The following SPNS2 variants were observed in gnomAD, a reference collection of about 807,000 sequenced individuals.
SPNS2 encodes sphingosine-1-phosphate transporter SPNS2.
Under a neutral mutation model 57.6 loss-of-function variants are expected in SPNS2, and 37 were observed. That is an observed-to-expected ratio of 0.64 (90% CI 0.49 to 0.85). The LOEUF is 0.85. Ranked by LOEUF, SPNS2 falls within the 40% of genes least tolerant of loss-of-function variation. The pLI, the probability that SPNS2 is intolerant of heterozygous loss-of-function variation, is 0.00. For missense variants in SPNS2, 831 were observed against 779.1 expected, an observed-to-expected ratio of 1.07 and a Z score of -0.79; for synonymous variants, 440 against 346.9, an observed-to-expected ratio of 1.27 and a Z score of -2.98.
At chr17:4,528,580 G>A (rs916023000) in intron 3 of SPNS2, among the ~76,000 whole-genome samples, 1 of 151,978 alleles carries the variant, frequency 6.6e-6, no homozygotes, top group Admixed American at 6.6e-5. Context: ...AGGTTCAAGC[G>A]ATTCTCCTGC....
In SPNS2 at chr17:4,499,455, C is replaced by A; in HGVS notation, c.370+38C>A. ...CCCACCCAGCCCGAGGACCAAGACC[C>A]CACCCCATCCCACCACCCGCCTCGA... On this transcript the variant is annotated intron_variant, in intron 1 of 12. Transcript: ENST00000329078. The surrounding 1 kb of genome is among the most constrained non-coding windows in gnomAD (Gnocchi z 5.2). The A allele has an allele frequency of 8.2e-7, 1 of 1,218,700 alleles. No individual in the cohort carries two copies. The highest frequency in any genetic ancestry group is 1.1e-6 in the Non-Finnish European group (1 of 948,718). The allele number at this position is 1,218,700 out of a possible 1,614,324, so 75.5% of individuals were successfully genotyped here. A position where few individuals can be genotyped will look rare whatever the true frequency, so the allele number is the denominator to read the frequency against.
At chr17:4,506,998 G>A (rs565312903) in intron 1 of SPNS2, among the ~76,000 whole-genome samples, 77 of 152,322 alleles carry the variant, frequency 5.1e-4, no homozygotes, top group African/African-American at 1.7e-3. Flanking sequence ...GGGGAAGCCT[G>A]GGGGTGAGTA....
At chr17:4,535,959 C>T (rs1014169389) in intron 9 of SPNS2, 117 bp from the exon 10 acceptor site, 33 of 784,950 alleles carry the variant, frequency 4.2e-5, no homozygotes, top group African/African-American at 1.4e-4. Flanking sequence ...GGTGTCAAGA[C>T]GTAGGGCAGG....
At position 4,538,970 on chromosome 17, in the gene SPNS2, CAGAG is replaced by C. The variant is rs773552922; in HGVS notation, c.*1523_*1526del. 2 of 790,714 alleles carry C rather than the reference CAGAG, an allele frequency of 2.5e-6. No individual in the cohort carries two copies. The highest frequency in any genetic ancestry group is 1.7e-5 in the Admixed American group (1 of 59,050). 49.0% of individuals were successfully genotyped at this position (790,714 alleles called of 1,614,324 possible). ...TTTTAGAGCTGCTGATTGTGAATCT[CAGAG>C]TCTTAAGAGAGAAGCCAAATATATT... On this transcript the variant is annotated 3_prime_UTR_variant, in exon 13 of 13. Coordinates refer to ENST00000329078, the MANE Select transcript of SPNS2 (RefSeq NM_001124758.3).
intron 5 of SPNS2, among the ~76,000 whole-genome samples, chr17:4,532,151 C>T (rs1905509576): frequency 7.9e-6 from 1 of 126,104 alleles, no homozygotes; most frequent in African/African-American, 3.0e-5. Flanking sequence ...TCCATCTGTC[C>T]ATCCGTCTGT....
At chr17:4,533,479 C>A in intron 8 of SPNS2, 47 bp downstream of exon 8, 1 of 1,534,498 alleles carries the variant, frequency 6.5e-7, no homozygotes, top group South Asian at 1.2e-5. Context: ...GGGCCTGGGC[C>A]GCGGGAGGGT....
intron 9 of SPNS2, among the ~76,000 whole-genome samples, 152 bp from the exon 10 acceptor site, chr17:4,535,921 GGGA>G (rs1905759098): frequency 1.3e-5 from 2 of 152,030 alleles, no homozygotes; most frequent in Non-Finnish European, 2.9e-5. Flanking sequence ...GGGGACTGTG[GGGA>G]GGAGGGCAGG....
intron 2 of SPNS2, among the ~76,000 whole-genome samples, chr17:4,522,442 C>T (rs1373886994): frequency 6.6e-6 from 1 of 152,186 alleles, no homozygotes; most frequent in Non-Finnish European, 1.5e-5. Flanking sequence ...TCTGCTCGTA[C>T]ACCCACCACC....
rs183318986 is a variant in SPNS2 at position 4,519,338 on chromosome 17, G to A, written c.437-5719G>A. 2.8e-3 allele frequency among the ~76,000 whole-genome samples: 428 copies of A among 152,338 alleles called. 7 individuals carry two copies. The highest frequency in any genetic ancestry group is 0.023 in the Admixed American group (351 of 15,310). ...CCATGTGTGCCATGGGGATGGCTCC[G>A]CTCACCATGGACAGGGGTCCTGGGG... On this transcript the variant is annotated intron_variant, in intron 2 of 12. Coordinates refer to ENST00000329078, the MANE Select transcript of SPNS2 (RefSeq NM_001124758.3).
At chr17:4,502,559 T>G (rs1364017179) in intron 1 of SPNS2, among the ~76,000 whole-genome samples, 2 of 152,174 alleles carry the variant, frequency 1.3e-5, no homozygotes, top group Non-Finnish European at 2.9e-5. Context: ...GAGTCTTTGT[T>G]GCCAGAGTTC....
chr17:4,522,484 A>C (rs1905163811), intron 2 of SPNS2, among the ~76,000 whole-genome samples: 1 of 152,174 alleles, frequency 6.6e-6, no homozygotes, highest in Admixed American at 6.5e-5. Flanking sequence ...TCTTGCTGGC[A>C]TAAAAGAGGG....
chr17:4,505,199 C>G (rs1372200543), intron 1 of SPNS2, among the ~76,000 whole-genome samples: 2 of 152,146 alleles, frequency 1.3e-5, no homozygotes, highest in Non-Finnish European at 2.9e-5. Context: ...CACCTGGGAC[C>G]CCCGCATGCA....
intron 2 of SPNS2, among the ~76,000 whole-genome samples, chr17:4,517,778 T>C (rs1183279986): frequency 2.6e-5 from 4 of 152,130 alleles, no homozygotes; most frequent in Non-Finnish European, 4.4e-5. Flanking sequence ...GTGTTTAATA[T>C]TCAAAGCTCT....
At chr17:4,532,237 C>A (rs777373009) in intron 5 of SPNS2, among the ~76,000 whole-genome samples, 1 of 152,174 alleles carries the variant, frequency 6.6e-6, no homozygotes, top group Non-Finnish European at 1.5e-5. Flanking sequence ...GCCATCTCTT[C>A]TCTATCTATC....
At chr17:4,505,611 C>T (rs991673559) in intron 1 of SPNS2, among the ~76,000 whole-genome samples, 1 of 152,262 alleles carries the variant, frequency 6.6e-6, no homozygotes, top group African/African-American at 2.4e-5. Flanking sequence ...CCTGTCTCTT[C>T]TGCAGATAGG....
rs374986986 is a variant in SPNS2 at position 4,531,002 on chromosome 17, T to G, written c.726-51T>G. On this transcript the variant is annotated intron_variant, in intron 4 of 12. Coordinates refer to ENST00000329078, the MANE Select transcript of SPNS2 (RefSeq NM_001124758.3). ...GCCTTGCAGACCAGCGGGCACTCCC[T>G]GTCCCCAGCCCCTGTCTCTGCTCAG... 622 of 1,600,470 alleles carry G rather than the reference T, an allele frequency of 3.9e-4. 6 individuals carry two copies. The African/African-American group carries it at 7.5e-3, about 19-fold the overall frequency.
In SPNS2 at chr17:4,536,268, A is replaced by G. The variant is rs1905792759; in HGVS notation, c.1449A>G (p.Ser483=). ...AGSPYLIGFI[S]DLIRQSTKDS... The stretch of plus-strand genomic sequence containing the variant: ...CCACCCCCAAATCCTCGCAGATCTC[A>G]GACCTGATCCGCCAGAGCACTAAGG... Residue 483 remains serine (S), a synonymous_variant, in exon 11 of 13, where the codon TCA becomes TCG. Transcript: ENST00000329078. The G allele has an allele frequency of 2.5e-6, 4 of 1,612,150 alleles. No homozygotes were observed. The highest frequency in any genetic ancestry group is 2.2e-5 in the South Asian group (2 of 91,088).
chr17:4,517,869 G>A (rs910966579), intron 2 of SPNS2, among the ~76,000 whole-genome samples: 32 of 152,252 alleles, frequency 2.1e-4, no homozygotes, highest in African/African-American at 7.7e-4. Flanking sequence ...ACTAATATTC[G>A]AAAATACCAG....
Position 4,498,924 on chromosome 17 carries a change from G to C in SPNS2, c.-124G>C. 3 of 459,652 alleles carry C rather than the reference G, an allele frequency of 6.5e-6. No homozygotes were observed. Among genetic ancestry groups the C allele is most frequent in the Non-Finnish European group, 8.6e-6 (3 of 349,790 alleles). 28.5% of individuals were successfully genotyped at this position (459,652 alleles called of 1,614,324 possible). Reference sequence around the variant, plus strand: ...GCAGCGCCGCAGCCGGGGCCGGAGCGCAGGAGCCGACGGGGCCCGACCAGG... The same window carrying C: ...GCAGCGCCGCAGCCGGGGCCGGAGCCCAGGAGCCGACGGGGCCCGACCAGG... On this transcript the variant is annotated 5_prime_UTR_variant, in exon 1 of 13. Transcript: ENST00000329078.
Sources: gnomAD v4.1 joint callset for allele counts (sites outside exome capture counted in the v4.1 genomes callset) on GRCh38, gnomAD v4.1.1 for gene constraint, Gnocchi (gnomAD v3.1) non-coding constraint, MANE v1.5 for transcripts, NCBI Gene and HGNC (gene_info 2026-07-23, HGNC 2026-07-21) for gene names.